CEACAM21: variants seen among roughly 807,000 people sequenced by gnomAD.
CEACAM21 encodes CEA cell adhesion molecule 21.
A neutral mutation model predicts 33.2 loss-of-function variants in CEACAM21; 38 were observed. The ratio of observed to expected loss-of-function variants is 1.14; its 90% CI spans 0.88 to 1.50. The LOEUF is 1.50. Among genes scored for constraint, CEACAM21 ranks in the 40% most tolerant of loss-of-function variants. The pLI is 0.00. For missense variants in CEACAM21, 385 were observed against 364.6 expected (o/e 1.06, Z -0.46); for synonymous variants, 156 against 143.0 (o/e 1.09, Z -0.65).
At chr19:41,577,726 A>G (rs1317322178) in intron 2 of CEACAM21, among the ~76,000 whole-genome samples, 167 bp downstream of exon 2, 1 of 152,238 alleles carries the variant, frequency 6.6e-6, no homozygotes, top group African/African-American at 2.4e-5. Flanking sequence ...ATAACAGATC[A>G]GAATTCCTTT....
At chr19:41,567,266 T>C (rs2042324908) in intron 2 of CEACAM21, among the ~76,000 whole-genome samples, 1 of 152,216 alleles carries the variant, frequency 6.6e-6, no homozygotes, top group Non-Finnish European at 1.5e-5. Flanking sequence ...TTGCTGGACA[T>C]AGGACATTAA....
At chr19:41,551,163 T>TTC (rs1325610295) in intron 1 of CEACAM21, 1 of 149,736 alleles carries the variant, frequency 6.7e-6, no homozygotes, top group Admixed American at 6.6e-5. Context: ...CCTTTTCCTT[T>TTC]TTTTTTTTTT....
intron 3 of CEACAM21, among the ~76,000 whole-genome samples, chr19:41,580,777 C>A (rs2043319104): frequency 1.3e-5 from 2 of 152,238 alleles, no homozygotes; most frequent in Admixed American, 6.5e-5. Context: ...TAATCATTGG[C>A]CATTAATTGA....
At chr19:41,562,053 C>T (rs2041915089) in intron 1 of CEACAM21, among the ~76,000 whole-genome samples, 1 of 152,118 alleles carries the variant, frequency 6.6e-6, no homozygotes, top group Non-Finnish European at 1.5e-5. Flanking sequence ...CGAGACCAGC[C>T]TGACAAACAT....
intron 1 of CEACAM21, among the ~76,000 whole-genome samples, chr19:41,561,227 T>C (rs1402647181): frequency 6.6e-6 from 1 of 152,174 alleles, no homozygotes; most frequent in Non-Finnish European, 1.5e-5. Context: ...GGTCTTGAAC[T>C]TCTGGACTCA....
intron 1 of CEACAM21, chr19:41,550,178 G>A (rs542084562): frequency 1.3e-5 from 2 of 152,100 alleles, no homozygotes; most frequent in African/African-American, 2.4e-5. Context: ...CATGACTGGC[G>A]GCCAGAACAA....
intron 6 of CEACAM21, 105 bp downstream of exon 6, chr19:41,585,976 G>T: frequency 8.1e-7 from 1 of 1,236,336 alleles, no homozygotes; most frequent in Non-Finnish European, 1.2e-6. Context: ...TACCCAGAAT[G>T]ACTTGGATAA....
chr19:41,551,137 ATT>A (rs1224111642), intron 1 of CEACAM21: 2 of 127,624 alleles, frequency 1.6e-5, no homozygotes, highest in African/African-American at 6.0e-5. Context: ...TTGCCTCATG[ATT>A]TTTTTTTTCT....
At position 41,578,649 on chromosome 19, in the gene CEACAM21, G is replaced by A. The variant is rs60045265; in HGVS notation, c.425-704G>A. ...GGAGATTCTGGTCTGAGGAATGACG[G>A]GCAAATGGAGAATTAGTCAGTTTTT... On this transcript the variant is annotated intron_variant, in intron 2 of 6. Coordinates refer to ENST00000401445, the MANE Select transcript of CEACAM21 (RefSeq NM_001098506.4). Among the ~76,000 whole-genome samples, 170 of 152,252 alleles carry A rather than the reference G, an allele frequency of 1.1e-3. 1 individual carries two copies. The highest frequency in any genetic ancestry group is 3.8e-3 in the African/African-American group (159 of 41,536).
chr19:41,577,454 C>A lies in CEACAM21; in HGVS notation c.319C>A (p.Leu107Met). The change falls in exon 2 of 7, where the codon CTG becomes ATG. Residue 107 changes from leucine (L) to methionine (M), a missense_variant. By Grantham distance (15) the Leu-to-Met change is conservative. Coordinates refer to ENST00000401445, the MANE Select transcript of CEACAM21 (RefSeq NM_001098506.4). ...AGAGACAATATCACCCAGTGGAGAT[C>A]TGCATTTCCAGAACGTCACCCTAGA... ...GRETISPSGD[L>M]HFQNVTLEDT... 1 of 1,614,134 alleles carries A rather than the reference C, an allele frequency of 6.2e-7. No individual in the cohort carries two copies. The highest frequency in any genetic ancestry group is 1.7e-5 in the Admixed American group (1 of 60,014).
intron 2 of CEACAM21, among the ~76,000 whole-genome samples, chr19:41,566,698 G>A (rs928287200): frequency 6.6e-6 from 1 of 152,144 alleles, no homozygotes; most frequent in African/African-American, 2.4e-5. Context: ...TCTTGTTAAA[G>A]TTTTAAACCT....
At position 41,584,358 on chromosome 19, in the gene CEACAM21, A is replaced by G. The variant is rs782753932; in HGVS notation, c.712A>G (p.Thr238Ala). The G allele has an allele frequency of 4.3e-6, 7 of 1,610,210 alleles. No individual in the cohort carries two copies. The Admixed American group carries it at 5.0e-5, about 12-fold the overall frequency. The change falls in exon 4 of 7, where the codon ACT becomes GCT. Residue 238 changes from threonine to alanine, a missense_variant. By Grantham distance (58) the Thr-to-Ala change is moderately conservative. Transcript: ENST00000401445. ...CCTTCTTCTTTCAGCAGATGACAAC[A>G]CTCTAGGCATCCTGATCGGGGTCCT... The part of the protein sequence containing the change: ...LKLTVKSDDN[T>A]LGILIGVLVG...
At chr19:41,577,137 G>C in intron 1 of CEACAM21, 63 bp from the exon 2 acceptor site, 1 of 1,600,506 alleles carries the variant, frequency 6.2e-7, no homozygotes, top group Non-Finnish European at 8.5e-7. Context: ...CTGCACCCAG[G>C]ACCCCGTCTT....
At chr19:41,584,751 C>T (rs1201040550) in intron 4 of CEACAM21, among the ~76,000 whole-genome samples, 1 of 152,156 alleles carries the variant, frequency 6.6e-6, no homozygotes, top group East Asian at 1.9e-4. Flanking sequence ...TGGTACCTCC[C>T]CCTGTTCACT....
At chr19:41,574,256 A>G (rs2042788787), upstream of CEACAM21, among the ~76,000 whole-genome samples, 1 of 152,246 alleles carries the variant, frequency 6.6e-6, no homozygotes, top group Non-Finnish European at 1.5e-5. Context: ...AGAAGAACAT[A>G]TAGGAGTAAA....
intron 2 of CEACAM21, among the ~76,000 whole-genome samples, chr19:41,570,351 G>A (rs1555789211): frequency 6.6e-6 from 1 of 152,118 alleles, no homozygotes; most frequent in African/African-American, 2.4e-5. Context: ...ACCCTGGATG[G>A]GCTGTGTTCC....
chr19:41,586,011 C>A, intron 6 of CEACAM21, 140 bp downstream of exon 6: 1 of 870,928 alleles, frequency 1.1e-6, no homozygotes, highest in Non-Finnish European at 1.8e-6. Flanking sequence ...TGGCCATGAG[C>A]TGGGCCTCTG....
upstream of CEACAM21, chr19:41,576,133 C>G: frequency 3.3e-6 from 3 of 917,566 alleles, no homozygotes; most frequent in South Asian, 1.5e-5. Context: ...TGCCCATAAA[C>G]GGGAAGTGCT....
intron 2 of CEACAM21, among the ~76,000 whole-genome samples, chr19:41,566,099 C>T (rs2042250247): frequency 6.6e-6 from 1 of 151,738 alleles, no homozygotes; most frequent in Non-Finnish European, 1.5e-5. Context: ...GCTGAAAGAC[C>T]CACCAAAGGA....
Sources: gnomAD v4.1 joint callset for allele counts (sites outside exome capture counted in the v4.1 genomes callset) on GRCh38, gnomAD v4.1.1 for gene constraint, MANE v1.5 for transcripts, NCBI Gene and HGNC (gene_info 2026-07-23, HGNC 2026-07-21) for gene names.